The following ZNF729 variants were observed in gnomAD, a reference collection of about 807,000 sequenced individuals.
The protein encoded by ZNF729 is zinc finger protein 729.
Under a neutral mutation model 12.2 loss-of-function variants are expected in ZNF729, and 15 were observed. The observed-to-expected ratio is 1.23, with a 90% CI of 0.82 to 1.89. ZNF729 has a LOEUF of 1.89. Among genes scored for constraint, ZNF729 ranks in the 40% most tolerant of loss-of-function variants. The pLI is 0.00. For synonymous variants in ZNF729, 492 were observed against 476.3 expected, an observed-to-expected ratio of 1.03 and a Z score of -0.43; for missense variants, 1,540 against 1,456.7, an observed-to-expected ratio of 1.06 and a Z score of -0.93.
At chr19:22,306,705 A>C (rs186735455) in intron 3 of ZNF729, among the ~76,000 whole-genome samples, 18 of 151,258 alleles carry the variant, frequency 1.2e-4, no homozygotes, top group Non-Finnish European at 1.9e-4. Flanking sequence ...GGAACAAAAA[A>C]CTATATTTTT....
intron 1 of ZNF729, among the ~76,000 whole-genome samples, chr19:22,292,321 A>G (rs1370038348): frequency 6.6e-6 from 1 of 152,208 alleles, no homozygotes; most frequent in Non-Finnish European, 1.5e-5. Context: ...TAGTTTTGTA[A>G]GGATAATGGT....
At chr19:22,298,905 G>C (rs1010007015) in intron 1 of ZNF729, 2 of 152,172 alleles carry the variant, frequency 1.3e-5, no homozygotes, top group African/African-American at 2.4e-5. Flanking sequence ...AACCATAATA[G>C]CTCTTTAGTT....
chr19:22,316,652 G>C lies in ZNF729; in HGVS notation c.3235G>C (p.Glu1079Gln). The C allele has an allele frequency of 1.9e-6, 3 of 1,612,778 alleles. No homozygotes were observed. Among genetic ancestry groups the C allele is most frequent in the Non-Finnish European group, 2.5e-6 (3 of 1,179,788 alleles). The part of the protein sequence containing the change: ...IHTGEKPCKC[E>Q]ECDKAFKHFS... Reference sequence around the variant, plus strand: ...TACTGGAGAGAAACCCTGCAAATGTGAAGAATGTGACAAAGCTTTTAAGCA... The same window carrying C: ...TACTGGAGAGAAACCCTGCAAATGTCAAGAATGTGACAAAGCTTTTAAGCA... Residue 1079 changes from glutamate (E) to glutamine (Q), a missense_variant, in exon 4 of 4, where the codon GAA becomes CAA. By Grantham distance (29) the Glu-to-Gln change is conservative. Transcript: ENST00000601693.
At position 22,315,279 on chromosome 19, in the gene ZNF729, T is replaced by C; in HGVS notation, c.1862T>C (p.Ile621Thr). Residue 621 changes from isoleucine (I) to threonine (T), a missense_variant, in exon 4 of 4, where the codon ATT becomes ACT. Ile to Thr is a moderately conservative substitution (Grantham distance 89). Coordinates refer to ENST00000601693, the MANE Select transcript of ZNF729 (RefSeq NM_001242680.2). ...TCAATCCTTGCTAAACATAAGATAA[T>C]TCATACTGGGAAGAAACCGTACAAA... Reference protein sequence around the residue: ...NSSILAKHKIIHTGKKPYKCE... With the variant: ...NSSILAKHKITHTGKKPYKCE... 1 of 1,613,020 alleles carries C rather than the reference T, an allele frequency of 6.2e-7. No individual in the cohort carries two copies. The highest frequency in any genetic ancestry group is 8.5e-7 in the Non-Finnish European group (1 of 1,179,628).
intron 1 of ZNF729, chr19:22,299,403 A>G (rs113427950): frequency 0.025 from 3,794 of 152,018 alleles, 155 homozygotes; most frequent in African/African-American, 0.087. Context: ...CTAATTTTTT[A>G]TATTTTTAGT....
rs551540187 is a variant in ZNF729, at chr19:22,316,659, G to C, written c.3242G>C (p.Cys1081Ser). The C allele has an allele frequency of 6.2e-7, 1 of 1,612,796 alleles. No individual in the cohort carries two copies. Among genetic ancestry groups the C allele is most frequent in the Admixed American group, 1.7e-5 (1 of 59,982 alleles). Residue 1081 changes from cysteine (C) to serine (S), a missense_variant, in exon 4 of 4, where the codon TGT becomes TCT. Coordinates refer to ENST00000601693, the MANE Select transcript of ZNF729 (RefSeq NM_001242680.2). ...TGEKPCKCEE[C>S]DKAFKHFSAL... ...GAGAAACCCTGCAAATGTGAAGAAT[G>C]TGACAAAGCTTTTAAGCATTTCTCA...
Position 22,314,433 on chromosome 19 carries a change from A to T in ZNF729, c.1016A>T (p.Lys339Met), listed in dbSNP as rs777261648. 11 of 1,597,832 alleles carry T rather than the reference A, an allele frequency of 6.9e-6. No individual in the cohort carries two copies. In the East Asian group the frequency reaches 2.5e-4, roughly 36 times the overall value. The change falls in exon 4 of 4, where the codon AAG becomes ATG. Residue 339 changes from lysine to methionine, a missense_variant. Transcript: ENST00000601693. ...FNHFSALRKH[K>M]IIHTGKKPYK... is the part of the protein sequence containing the mutation. ...CATTTCTCAGCCCTTAGAAAACATA[A>T]GATAATTCATACTGGAAAGAAACCC...
chr19:22,301,611 A>C (rs1407712113), intron 1 of ZNF729, among the ~76,000 whole-genome samples: 1 of 152,312 alleles, frequency 6.6e-6, no homozygotes, highest in Admixed American at 6.5e-5. Flanking sequence ...TGAGATGTCA[A>C]CGTAGAGATC....
chr19:22,291,628 C>T (rs1968156222), intron 1 of ZNF729, among the ~76,000 whole-genome samples: 1 of 152,194 alleles, frequency 6.6e-6, no homozygotes, highest in Non-Finnish European at 1.5e-5. Flanking sequence ...TGCATGGACC[C>T]AGAAATTAAT....
Position 22,313,908 on chromosome 19 carries a change from A to C in ZNF729, c.491A>C (p.His164Pro), listed in dbSNP as rs1225889845. The C allele has an allele frequency of 3.9e-6, 6 of 1,529,982 alleles. No homozygotes were observed. The highest frequency in any genetic ancestry group is 4.4e-6 in the Non-Finnish European group (5 of 1,141,708). 94.8% of individuals were successfully genotyped at this position (1,529,982 alleles called of 1,614,324 possible). A position where few individuals can be genotyped will look rare whatever the true frequency, so the allele number is the denominator to read the frequency against. Residue 164 changes from histidine (H) to proline (P), a missense_variant, in exon 4 of 4, where the codon CAT becomes CCT. Transcript: ENST00000601693. ...FQCNKHMKVF[H>P]KYSNRNKVRH... ...TGTAACAAACATATGAAAGTCTTTC[A>C]TAAATATTCAAATAGAAATAAGGTT...
chr19:22,306,160 A>G (rs12985227), intron 3 of ZNF729, among the ~76,000 whole-genome samples: 1 of 152,100 alleles, frequency 6.6e-6, no homozygotes, highest in African/African-American at 2.4e-5. Flanking sequence ...AAAGTTTTGC[A>G]CTGGGCACAG....
At chr19:22,304,199 C>T (rs528963106) in intron 2 of ZNF729, among the ~76,000 whole-genome samples, 14 of 152,066 alleles carry the variant, frequency 9.2e-5, no homozygotes, top group East Asian at 1.9e-4. Context: ...ACACCACACC[C>T]GGCTAATTTT....
chr19:22,317,151 G>A lies in ZNF729; in HGVS notation c.3734G>A (p.Cys1245Tyr). The change falls in exon 4 of 4, where the codon TGT becomes TAT. Residue 1245 changes from cysteine (C) to tyrosine (Y), a missense_variant. Cys to Tyr is a radical substitution (Grantham distance 194). Coordinates refer to ENST00000601693, the MANE Select transcript of ZNF729 (RefSeq NM_001242680.2). ...CATACTGGAGAGAAACCCTACAAAT[G>A]TGAAGAATGTGCCAAAGCTTTTTAA... is the stretch of plus-strand genomic sequence containing the variant. ...TIHTGEKPYKCEECAKAF is the reference protein window; with the variant it reads ...TIHTGEKPYKYEECAKAF 1 of 1,598,994 alleles carries A rather than the reference G, an allele frequency of 6.3e-7. No homozygotes were observed. Among genetic ancestry groups the A allele is most frequent in the Non-Finnish European group, 8.5e-7 (1 of 1,173,362 alleles).
intron 1 of ZNF729, among the ~76,000 whole-genome samples, chr19:22,295,433 G>A (rs1218014491): frequency 6.7e-6 from 1 of 149,684 alleles, no homozygotes; most frequent in Non-Finnish European, 1.5e-5. Context: ...TGTCGCCCAG[G>A]CTGGAGTGCA....
intron 1 of ZNF729, among the ~76,000 whole-genome samples, chr19:22,302,526 A>G (rs555725659): frequency 2.3e-5 from 1 of 42,876 alleles, no homozygotes; most frequent in South Asian, 7.7e-4. Context: ...TAGGAACCAT[A>G]AAAGACTGGT....
Position 22,301,665 on chromosome 19 carries a change from T to A in ZNF729, c.31-2093T>A, listed in dbSNP as rs1463127952. ...ACTGTGGCTCTGTGAGATTTTCAGA[T>A]CTTTTCCAGTGACCTGTTACAGGTA... On this transcript the variant is annotated intron_variant, in intron 1 of 3. Transcript: ENST00000601693. Among the ~76,000 whole-genome samples the A allele has an allele frequency of 1.5e-4, 23 of 152,386 alleles. No homozygotes were observed. In the South Asian group the frequency reaches 4.8e-3, roughly 32 times the overall value.
intron 1 of ZNF729, among the ~76,000 whole-genome samples, chr19:22,303,265 T>A (rs780481881): frequency 5.3e-5 from 8 of 150,550 alleles, no homozygotes; most frequent in African/African-American, 1.7e-4. Context: ...AAAGATTCTT[T>A]TTTGGGCCAA....
rs748527879 is a variant in ZNF729, at chr19:22,316,444, A to G, written c.3027A>G (p.Lys1009=). ...KDFNNSSTLK[K]HKLIHTREKL... is the part of the protein sequence containing the mutation. Reference sequence around the variant, plus strand: ...TTAACAATTCCTCAACCCTTAAGAAACATAAGCTAATTCATACTAGGGAGA... The same window carrying G: ...TTAACAATTCCTCAACCCTTAAGAAGCATAAGCTAATTCATACTAGGGAGA... The change falls in exon 4 of 4, where the codon AAA becomes AAG. Residue 1009 remains lysine (K), a synonymous_variant. Coordinates refer to ENST00000601693, the MANE Select transcript of ZNF729 (RefSeq NM_001242680.2). The G allele has an allele frequency of 1.2e-6, 2 of 1,613,712 alleles. No homozygotes were observed. Among genetic ancestry groups the G allele is most frequent in the Non-Finnish European group, 1.7e-6 (2 of 1,179,720 alleles).
intron 1 of ZNF729, among the ~76,000 whole-genome samples, chr19:22,302,490 A>G (rs977718029): frequency 1.3e-5 from 2 of 149,418 alleles, no homozygotes; most frequent in Non-Finnish European, 3.0e-5. Flanking sequence ...GGTAGAATAC[A>G]TATGTATATT....
Sources: allele counts gnomAD v4.1 joint callset (sites outside exome capture counted in the v4.1 genomes callset), GRCh38; gene constraint gnomAD v4.1.1; transcripts MANE v1.5; gene names NCBI Gene and HGNC (gene_info 2026-07-23, HGNC 2026-07-21).